Variants in FSHR observed in about 807,000 individuals in gnomAD.
FSHR encodes the protein follicle stimulating hormone receptor, also known as follicle-stimulating hormone receptor.
A neutral mutation model predicts 52.1 loss-of-function variants in FSHR; 46 were observed. The observed-to-expected ratio is 0.88, with a 90% CI of 0.70 to 1.13. The LOEUF is 1.13. Ranked by LOEUF, FSHR falls within the 50% of genes most tolerant of loss-of-function variation. FSHR has a pLI of 0.00. For missense variants in FSHR, 964 were observed against 834.6 expected (o/e 1.16, Z -1.91); for synonymous variants, 399 against 309.6 (o/e 1.29, Z -3.03).
At chr2:49,013,517 A>AATAT (rs1553333467) in intron 4 of FSHR, among the ~76,000 whole-genome samples, 1 of 133,152 alleles carries the variant, frequency 7.5e-6, no homozygotes, top group African/African-American at 2.8e-5. Flanking sequence ...TATATATATA[A>AATAT]ATATATATAA....
intron 1 of FSHR, among the ~76,000 whole-genome samples, chr2:49,132,986 A>AAG (rs1285307934): frequency 1.4e-4 from 21 of 149,684 alleles, no homozygotes; most frequent in African/African-American, 5.2e-4. Flanking sequence ...AAAAAAAAAA[A>AAG]AAAAAAAAAG....
intron 1 of FSHR, among the ~76,000 whole-genome samples, chr2:49,070,291 C>G (rs192506650): frequency 1.4e-3 from 212 of 152,202 alleles, no homozygotes; most frequent in African/African-American, 5.0e-3. Flanking sequence ...ATACTAAAAG[C>G]ATTGTCTTTA....
chr2:49,148,712 A>G (rs1250011180), intron 1 of FSHR, among the ~76,000 whole-genome samples: 2 of 152,098 alleles, frequency 1.3e-5, no homozygotes, highest in Non-Finnish European at 2.9e-5. Flanking sequence ...TTTGAGCAAG[A>G]TTATAATAAG....
intron 1 of FSHR, among the ~76,000 whole-genome samples, chr2:49,100,646 G>A (rs184284111): frequency 9.8e-5 from 15 of 152,338 alleles, no homozygotes; most frequent in African/African-American, 3.4e-4. Context: ...AAGTGGAGCA[G>A]AGAGAGGGAT....
intron 4 of FSHR, among the ~76,000 whole-genome samples, chr2:48,991,522 C>A (rs1015555661): frequency 6.6e-6 from 1 of 152,136 alleles, no homozygotes; most frequent in East Asian, 1.9e-4. Context: ...TGTTAATTCC[C>A]CACTTATGGC....
intron 6 of FSHR, among the ~76,000 whole-genome samples, chr2:48,988,604 T>A (rs1228978885): frequency 1.3e-5 from 2 of 152,232 alleles, no homozygotes; most frequent in African/African-American, 4.8e-5. Flanking sequence ...TATGAGGGAA[T>A]CGCCATATCT....
chr2:49,133,267 G>C (rs1270847055), intron 1 of FSHR, among the ~76,000 whole-genome samples: 2 of 152,162 alleles, frequency 1.3e-5, no homozygotes, highest in Non-Finnish European at 2.9e-5. Context: ...TGCAAGCAAG[G>C]CTCTACCTTG....
intron 1 of FSHR, among the ~76,000 whole-genome samples, chr2:49,112,867 A>T (rs1671469262): frequency 6.6e-6 from 1 of 152,210 alleles, no homozygotes; most frequent in Non-Finnish European, 1.5e-5. Context: ...ACATTAGTGC[A>T]AAATGGGCCA....
intron 1 of FSHR, among the ~76,000 whole-genome samples, chr2:49,098,539 A>C (rs1230320509): frequency 6.6e-6 from 1 of 151,838 alleles, no homozygotes; most frequent in Non-Finnish European, 1.5e-5. Context: ...GGCAGCCACT[A>C]TATTGTCTTC....
intron 2 of FSHR, among the ~76,000 whole-genome samples, chr2:49,034,318 C>T (rs536001186): frequency 6.6e-6 from 1 of 152,148 alleles, no homozygotes; most frequent in Admixed American, 6.5e-5. Flanking sequence ...TTGCCTGACC[C>T]CCCTTCCGAG....
chr2:49,140,131 A>G (rs143526510), intron 1 of FSHR, among the ~76,000 whole-genome samples: 1 of 152,124 alleles, frequency 6.6e-6, no homozygotes, highest in East Asian at 1.9e-4. Context: ...ATTTGTCCAC[A>G]CCCAACGCTC....
chr2:49,078,117 A>G (rs1304204706), intron 1 of FSHR, among the ~76,000 whole-genome samples: 1 of 152,212 alleles, frequency 6.6e-6, no homozygotes, highest in Non-Finnish European at 1.5e-5. Context: ...TGATAAAGAC[A>G]TTTCTGAGAC....
At chr2:49,007,911 G>A (rs1667125646) in intron 4 of FSHR, among the ~76,000 whole-genome samples, 1 of 151,934 alleles carries the variant, frequency 6.6e-6, no homozygotes, top group Non-Finnish European at 1.5e-5. Context: ...GAGAGCTGAG[G>A]TACAAAGAGA....
At chr2:49,005,431 G>A (rs1170709985) in intron 4 of FSHR, among the ~76,000 whole-genome samples, 2 of 152,098 alleles carry the variant, frequency 1.3e-5, no homozygotes, top group Non-Finnish European at 2.9e-5. Context: ...AAACATCCTT[G>A]TAGTCATGGC....
At chr2:49,063,456 G>A (rs775552759) in intron 2 of FSHR, among the ~76,000 whole-genome samples, 90 of 152,058 alleles carry the variant, frequency 5.9e-4, no homozygotes, top group Non-Finnish European at 8.8e-4. Flanking sequence ...ATATGTATGT[G>A]ACACACACTC....
chr2:49,136,879 A>G (rs1672508037), intron 1 of FSHR, among the ~76,000 whole-genome samples: 1 of 152,136 alleles, frequency 6.6e-6, no homozygotes, highest in Non-Finnish European at 1.5e-5. Flanking sequence ...ATAAAAAGTC[A>G]TCAATGAAAA....
At chr2:49,042,597 CTT>C (rs61452747) in intron 2 of FSHR, among the ~76,000 whole-genome samples, 1 of 152,230 alleles carries the variant, frequency 6.6e-6, no homozygotes, top group African/African-American at 2.4e-5. Flanking sequence ...ATTACTAAAT[CTT>C]TTTGAATTCT....
intron 4 of FSHR, among the ~76,000 whole-genome samples, chr2:49,000,520 TC>T (rs1666830886): frequency 6.6e-6 from 1 of 152,170 alleles, no homozygotes; most frequent in Non-Finnish European, 1.5e-5. Context: ...GTTGGAGTTT[TC>T]CCTGAGACAC....
At chr2:49,083,580 G>A (rs1297165349) in intron 1 of FSHR, among the ~76,000 whole-genome samples, 2 of 148,020 alleles carry the variant, frequency 1.4e-5, no homozygotes, top group African/African-American at 5.0e-5. Flanking sequence ...ACCCATCAGT[G>A]TGCTGTATTC....
Sources: gnomAD v4.1 joint callset for allele counts (sites outside exome capture counted in the v4.1 genomes callset) on GRCh38, gnomAD v4.1.1 for gene constraint, MANE v1.5 for transcripts, NCBI Gene and HGNC (gene_info 2026-07-23, HGNC 2026-07-21) for gene names.